COL28A1: variants seen among roughly 807,000 people sequenced by gnomAD.
COL28A1 encodes collagen alpha-1(XXVIII) chain.
A neutral mutation model predicts 150.2 loss-of-function variants in COL28A1; 161 were observed. The ratio of observed to expected loss-of-function variants is 1.07; its 90% CI spans 0.94 to 1.22. The LOEUF is 1.22. Ranked by LOEUF, COL28A1 falls within the 50% of genes most tolerant of loss-of-function variation. COL28A1 has a pLI of 0.00. For missense variants in COL28A1, 1,617 were observed against 1,388.3 expected (o/e 1.16, Z -2.62); for synonymous variants, 552 against 469.7 (o/e 1.18, Z -2.26).
chr7:7,348,178 C>T, the COL28A1 span, among the ~76,000 whole-genome samples: 52 of 151,990 alleles, frequency 3.4e-4, no homozygotes, highest in East Asian at 8.7e-3. Flanking sequence ...ATTTTGATGC[C>T]GTTAACTAAG....
chr7:7,339,099 CAACT>C, the COL28A1 span, among the ~76,000 whole-genome samples: 1 of 152,068 alleles, frequency 6.6e-6, no homozygotes, highest in Non-Finnish European at 1.5e-5. Context: ...CAGAAACAAC[CAACT>C]CATTCGTAGA....
At chr7:7,402,645 T>C (rs1471064947) in intron 27 of COL28A1, among the ~76,000 whole-genome samples, 1 of 152,174 alleles carries the variant, frequency 6.6e-6, no homozygotes, top group Non-Finnish European at 1.5e-5. Context: ...GACCAACTTA[T>C]CTTTTATAAA....
intron 33 of COL28A1, among the ~76,000 whole-genome samples, chr7:7,362,323 T>G (rs7800159): frequency 0.78 from 118,568 of 151,976 alleles, 46,431 homozygotes; most frequent in East Asian, 0.88. Context: ...TCCTGACACT[T>G]GGTTATTTAT....
chr7:7,492,928 T>G (rs1780002950), intron 11 of COL28A1, among the ~76,000 whole-genome samples: 1 of 149,894 alleles, frequency 6.7e-6, no homozygotes, highest in East Asian at 1.9e-4. Context: ...ATTTTACATG[T>G]TTTTAGCCAT....
At chr7:7,531,997 G>T in intron 2 of COL28A1, 93 bp from the exon 3 acceptor site, 1 of 721,194 alleles carries the variant, frequency 1.4e-6, no homozygotes, top group Non-Finnish European at 2.4e-6. Flanking sequence ...GTTGTATATT[G>T]TTTGGTGTTG....
intron 31 of COL28A1, among the ~76,000 whole-genome samples, chr7:7,374,038 A>ATATATATATATAT (rs1554260692): frequency 2.6e-5 from 3 of 113,658 alleles, no homozygotes; most frequent in African/African-American, 1.1e-4. Context: ...AAAAAAAAAA[A>ATATATATATATAT]ATATATATAT....
Position 7,380,841 on chromosome 7 carries a change from C to T in COL28A1, c.2227G>A (p.Asp743Asn), listed in dbSNP as rs749260819. Residue 743 changes from aspartate to asparagine, a missense_variant, in exon 29 of 35, where the codon GAT becomes AAT. Coordinates refer to ENST00000399429, the MANE Select transcript of COL28A1 (RefSeq NM_001037763.3). ...GQKGEHGERG[D>N]VGKKGDKGEI... ...CCTTTATCACCTTTCTTTCCCACAT[C>T]GCCCCGTTCTCCGTGCTCTCCCTTT... 6.8e-6 allele frequency: 11 copies of T among 1,613,738 alleles called. No individual in the cohort carries two copies. The highest frequency in any genetic ancestry group is 1.1e-5 in the South Asian group (1 of 91,074).
At chr7:7,467,870 C>T (rs992717687) in intron 15 of COL28A1, among the ~76,000 whole-genome samples, 6,255 of 143,756 alleles carry the variant, frequency 0.044, 180 homozygotes, top group South Asian at 0.061. Context: ...GGGTACATAA[C>T]GAAATGAAGG....
chr7:7,410,906 C>T (rs1783753766), intron 27 of COL28A1, among the ~76,000 whole-genome samples: 1 of 151,992 alleles, frequency 6.6e-6, no homozygotes, highest in African/African-American at 2.4e-5. Flanking sequence ...CCTTTTTCCC[C>T]CTTAAGTTAG....
chr7:7,482,527 G>GAAA (rs34891028), intron 13 of COL28A1, among the ~76,000 whole-genome samples: 1 of 121,218 alleles, frequency 8.2e-6, no homozygotes. Context: ...CTCTGTCTCA[G>GAAA]AAAAAAAAAA....
chr7:7,385,197 A>C (rs1168868711), intron 27 of COL28A1, among the ~76,000 whole-genome samples: 2 of 152,214 alleles, frequency 1.3e-5, no homozygotes, highest in African/African-American at 4.8e-5. Context: ...CTTTGGTATA[A>C]ATTTGTTTTC....
chr7:7,432,466 G>C lies in COL28A1; in HGVS notation c.1998+7C>G. On this transcript the variant is annotated splice_region_variant and intron_variant, in intron 25 of 34. Transcript: ENST00000399429. The stretch of plus-strand genomic sequence containing the variant: ...AAGCTAGTACGTTGCCTACTTTAAA[G>C]TCTTACCTTTGCTCCAGTGTCTCCC... 2 of 1,613,618 alleles carry C rather than the reference G, an allele frequency of 1.2e-6. No individual in the cohort carries two copies. The highest frequency in any genetic ancestry group is 1.7e-6 in the Non-Finnish European group (2 of 1,179,530).
At chr7:7,540,538 C>T (rs1782765900), upstream of COL28A1, among the ~76,000 whole-genome samples, 1 of 152,184 alleles carries the variant, frequency 6.6e-6, no homozygotes, top group African/African-American at 2.4e-5. Flanking sequence ...AATCATTAAT[C>T]AGTGAGGGAC....
At chr7:7,462,842 C>G (rs1787743244) in intron 15 of COL28A1, among the ~76,000 whole-genome samples, 1 of 138,598 alleles carries the variant, frequency 7.2e-6, no homozygotes, top group African/African-American at 2.7e-5. Context: ...GCCTGGGCAA[C>G]AAGAGCAAAA....
chr7:7,507,242 G>A (rs957750276), intron 9 of COL28A1, 81 bp from the exon 10 acceptor site: 100 of 724,818 alleles, frequency 1.4e-4, no homozygotes, highest in Middle Eastern at 4.9e-4. Flanking sequence ...GGAAGGAAAT[G>A]TGTTCTCGGT....
At chr7:7,433,593 T>C (rs1785132841) in intron 23 of COL28A1, among the ~76,000 whole-genome samples, 2 of 148,064 alleles carry the variant, frequency 1.4e-5, no homozygotes, top group Admixed American at 6.8e-5. Flanking sequence ...GAGATCACAC[T>C]ACTGTGCTCC....
At position 7,489,400 on chromosome 7, in the gene COL28A1, G is replaced by T; in HGVS notation, c.1153C>A (p.Pro385Thr). The change falls in exon 13 of 35, where the codon CCT becomes ACT. Residue 385 changes from proline to threonine, a missense_variant. Physicochemically the swap from Pro to Thr is conservative, Grantham distance 38 (BLOSUM62 -1). Coordinates refer to ENST00000399429, the MANE Select transcript of COL28A1 (RefSeq NM_001037763.3). Reference sequence around the variant, plus strand: ...TTTTTGCTACTTACTGGCTGTCCAGGCTCACCAACTCCAATGGGTCCTGGA... The same window carrying T: ...TTTTTGCTACTTACTGGCTGTCCAGTCTCACCAACTCCAATGGGTCCTGGA... ...GAPGPIGVGE[P>T]GQPGPRGPEG... is the part of the protein sequence containing the mutation. 7.1e-7 allele frequency: 1 copy of T among 1,398,726 alleles called. No individual in the cohort carries two copies. Among genetic ancestry groups the T allele is most frequent in the Non-Finnish European group, 1.0e-6 (1 of 983,096 alleles). 86.6% of individuals were successfully genotyped at this position (1,398,726 alleles called of 1,614,324 possible).
At chr7:7,400,004 A>G (rs984780497) in intron 27 of COL28A1, among the ~76,000 whole-genome samples, 1 of 152,102 alleles carries the variant, frequency 6.6e-6, no homozygotes, top group Non-Finnish European at 1.5e-5. Flanking sequence ...CCCTCTGTAT[A>G]TTTTTCTGAA....
At chr7:7,393,970 G>A (rs971581383) in intron 27 of COL28A1, among the ~76,000 whole-genome samples, 1 of 90,368 alleles carries the variant, frequency 1.1e-5, no homozygotes, top group African/African-American at 3.5e-5. Context: ...ATGTGCCACT[G>A]GGGTATGAAA....
Sources: allele counts gnomAD v4.1 joint callset (sites outside exome capture counted in the v4.1 genomes callset), GRCh38; gene constraint gnomAD v4.1.1; transcripts MANE v1.5; gene names NCBI Gene and HGNC (gene_info 2026-07-23, HGNC 2026-07-21).